The following NCOR2 variants were observed in gnomAD, a reference collection of about 807,000 sequenced individuals.
NCOR2 encodes CTG repeat protein 26.
Under a neutral mutation model 262.9 loss-of-function variants are expected in NCOR2, and 81 were observed. The ratio of observed to expected loss-of-function variants is 0.31; its 90% CI spans 0.26 to 0.37. The LOEUF is 0.37. NCOR2 is among the 10% of genes least tolerant of loss of function. The pLI, the probability that NCOR2 is intolerant of heterozygous loss-of-function variation, is 1.00. For missense variants in NCOR2, 3,385 were observed against 3,621.4 expected, an observed-to-expected ratio of 0.93 and a Z score of 1.68; for synonymous variants, 1,659 against 1,559.3, an observed-to-expected ratio of 1.06 and a Z score of -1.51.
In NCOR2 at chr12:124,523,726, C is replaced by T. The variant is rs552696431; in HGVS notation, c.-118+11839G>A. Among the ~76,000 whole-genome samples, 4 of 152,176 alleles carry T rather than the reference C, an allele frequency of 2.6e-5. No individual in the cohort carries two copies. The South Asian group carries it at 8.3e-4, about 32-fold the overall frequency. ...GGCTGCATTTAAAACCGTCCTGAGC[C>T]GCAGGTTGGACAAGCTTGCCTTACA... is the stretch of plus-strand genomic sequence containing the variant. On this transcript the variant is annotated intron_variant, in intron 1 of 46. Transcript: ENST00000404621. The surrounding 1 kb of genome is among the most constrained non-coding windows in gnomAD (Gnocchi z 4.0).
chr12:124,457,123 C>A lies in NCOR2; in HGVS notation c.745G>T (p.Gly249Trp). Reference sequence around the variant, plus strand: ...CAGCTCACCAGCTCCACCTGGGGCCCCAGGCCTTCCAGAATCCGATGTGCA... The same window carrying A: ...CAGCTCACCAGCTCCACCTGGGGCCACAGGCCTTCCAGAATCCGATGTGCA... The change falls in exon 6 of 47, where the codon GGG becomes TGG. Residue 249 changes from glycine to tryptophan, a missense_variant. Gly to Trp is a radical substitution (Grantham distance 184). Transcript: ENST00000405201. This position sits in a 1 kb window ranked among gnomAD's most constrained non-coding sequence, Gnocchi z 4.0. 6.5e-7 allele frequency: 1 copy of A among 1,530,816 alleles called. No homozygotes were observed. The allele number at this position is 1,530,816 out of a possible 1,614,324, so 94.8% of individuals were successfully genotyped here. A position where few individuals can be genotyped will look rare whatever the true frequency, so the allele number is the denominator to read the frequency against.
intron 33 of NCOR2, among the ~76,000 whole-genome samples, chr12:124,342,322 G>T (rs1235744243): frequency 6.6e-6 from 1 of 152,190 alleles, no homozygotes; most frequent in Non-Finnish European, 1.5e-5. Context: ...ACATCCCAAT[G>T]CAGATTAACA....
intron 8 of NCOR2, 57 bp from the exon 11 acceptor site, chr12:124,430,844 T>TC: frequency 6.5e-7 from 1 of 1,535,360 alleles, no homozygotes; most frequent in Non-Finnish European, 8.8e-7. Flanking sequence ...ACCCGCCGCC[T>TC]CCCCCCTGCC....
Position 124,335,652 on chromosome 12 carries a change from C to A in NCOR2, c.6116-20G>T. 1 of 1,582,618 alleles carries A rather than the reference C, an allele frequency of 6.3e-7. No homozygotes were observed. The highest frequency in any genetic ancestry group is 8.6e-7 in the Non-Finnish European group (1 of 1,167,374). On this transcript the variant is annotated intron_variant, in intron 38 of 46. Coordinates refer to ENST00000405201, the Ensembl canonical transcript of NCOR2. ...GGTAACCTAGGGCAGGCGGGGGGTG[C>A]AGAGTCAGGCACCGGGCCCAGGGTT...
intron 6 of NCOR2, among the ~76,000 whole-genome samples, chr12:124,453,114 C>T (rs2045646319): frequency 6.6e-6 from 1 of 152,170 alleles, no homozygotes; most frequent in Non-Finnish European, 1.5e-5. Flanking sequence ...AGGTGCATTG[C>T]TGAGGGGACG....
Position 124,383,687 on chromosome 12 carries a change from A to G in NCOR2, c.2019+2058T>C, listed in dbSNP as rs556706021. ...GCAGGCACTAAGGACCTCACAGGTA[A>G]TCACTCGTTCACTCCTCATAGGACC... On this transcript the variant is annotated intron_variant, in intron 17 of 46. Coordinates refer to ENST00000405201, the Ensembl canonical transcript of NCOR2. Among the ~76,000 whole-genome samples the G allele has an allele frequency of 2.6e-5, 4 of 152,336 alleles. No individual in the cohort carries two copies. The South Asian group carries it at 8.3e-4, about 32-fold the overall frequency.
intron 12 of NCOR2, among the ~76,000 whole-genome samples, chr12:124,420,555 C>CCGCCCCA (rs947953652): frequency 1.6e-4 from 25 of 152,162 alleles, no homozygotes; most frequent in African/African-American, 2.4e-4. Context: ...TGCATCGGGA[C>CCGCCCCA]CGCCCCACGC....
At chr12:124,543,640 G>A (rs1017607721) in intron 1 of NCOR2, among the ~76,000 whole-genome samples, 6 of 152,220 alleles carry the variant, frequency 3.9e-5, no homozygotes, top group East Asian at 3.9e-4. Context: ...GACAGCAGCC[G>A]GCAGGAGCAA....
rs2044983048 is a variant in NCOR2 at position 124,443,922 on chromosome 12, A to C, written c.815+5893T>G. On this transcript the variant is annotated intron_variant, in intron 7 of 46. Transcript: ENST00000405201. This position sits in a 1 kb window ranked among gnomAD's most constrained non-coding sequence, Gnocchi z 4.4. ...CATCGGGCCACACCCCTTCATGGCC[A>C]CAGGCTGGGAAACTGAGGCTTGGCT... Among the ~76,000 whole-genome samples the C allele has an allele frequency of 6.6e-6, 1 of 152,150 alleles. No individual in the cohort carries two copies. Among genetic ancestry groups the C allele is most frequent in the African/African-American group, 2.4e-5 (1 of 41,444 alleles).
In NCOR2 at chr12:124,376,172, C is replaced by CA. The variant is rs535068689; in HGVS notation, c.2168-1710dup. ...CTCTCACCTGCCGTCCCTGATCTCTCAGAGCAGCCACGGAAGACCACCACT... is the reference window on the plus strand; with the variant it reads ...CTCTCACCTGCCGTCCCTGATCTCTCAAGAGCAGCCACGGAAGACCACCACT... On this transcript the variant is annotated intron_variant, in intron 18 of 46. Transcript: ENST00000405201. Among the ~76,000 whole-genome samples the CA allele has an allele frequency of 2.1e-3, 319 of 152,328 alleles. 1 individual carries two copies. The highest frequency in any genetic ancestry group is 7.3e-3 in the African/African-American group (305 of 41,574).
intron 17 of NCOR2, among the ~76,000 whole-genome samples, chr12:124,385,274 C>A (rs1250260999): frequency 2.0e-5 from 3 of 152,178 alleles, no homozygotes; most frequent in South Asian, 2.1e-4. Context: ...CCGCCCCCGC[C>A]CCCCCAGACC....
intron 19 of NCOR2, 25 bp downstream of exon 21, chr12:124,374,388 C>A (rs759354177): frequency 1.2e-6 from 2 of 1,611,310 alleles, no homozygotes; most frequent in Non-Finnish European, 1.7e-6. Flanking sequence ...GCCCTACCCC[C>A]CAGGCCAGCC....
intron 7 of NCOR2, among the ~76,000 whole-genome samples, chr12:124,447,607 A>T (rs765205850): frequency 1.3e-5 from 2 of 152,196 alleles, no homozygotes; most frequent in Non-Finnish European, 2.9e-5. Context: ...AAAAATCATA[A>T]CTAGGTATAT....
rs570495595 is a variant in NCOR2 at position 124,372,748 on chromosome 12, C to T, written c.2219-138G>A. ...GCCCCGAGGCTCCTACACACCTGGG[C>T]TGCTGCCTAGAGCCCCACCCCTGAG... On this transcript the variant is annotated intron_variant, in intron 19 of 46. Transcript: ENST00000405201. 1,812 of 734,006 alleles carry T rather than the reference C, an allele frequency of 2.5e-3. 11 individuals carry two copies. The highest frequency in any genetic ancestry group is 2.8e-3 in the Non-Finnish European group (1,286 of 462,720). 45.5% of individuals were successfully genotyped at this position (734,006 alleles called of 1,614,324 possible). A position where few individuals can be genotyped will look rare whatever the true frequency, so the allele number is the denominator to read the frequency against.
intron 36 of NCOR2, 27 bp downstream of exon 38, chr12:124,340,267 C>T (rs772273523): frequency 1.4e-5 from 23 of 1,606,992 alleles, no homozygotes; most frequent in African/African-American, 2.7e-5. Flanking sequence ...AGTCCCGGAG[C>T]GGGGGGTGGG....
intron 34 of NCOR2, among the ~76,000 whole-genome samples, 184 bp from the exon 37 acceptor site, chr12:124,340,935 C>T (rs1208249894): frequency 6.6e-6 from 1 of 152,210 alleles, no homozygotes; most frequent in Admixed American, 6.5e-5. Flanking sequence ...CTCAGGTTCT[C>T]TCGGTACCAC....
At chr12:124,541,825 GGAGGGGGATGGGGAGTGGAGAT>G (rs2051369297) in intron 1 of NCOR2, among the ~76,000 whole-genome samples, 1 of 36,772 alleles carries the variant, frequency 2.7e-5, no homozygotes, top group African/African-American at 9.3e-5. Context: ...GAGTGGAGAT[GGAGGGGGATGGGGAGTGGAGAT>G]GGAGGGGGTG....
chr12:124,457,667 CAT>C lies in NCOR2; in HGVS notation c.706-507_706-506del, dbSNP rs940522240. On this transcript the variant is annotated intron_variant, in intron 5 of 46. Transcript: ENST00000405201. The surrounding 1 kb of genome is among the most constrained non-coding windows in gnomAD (Gnocchi z 4.0). ...TTCTAGGATTCTTGTGTTTCACAAT[CAT>C]GTGATTATTTCTGGGCTGCCCCGGG... Among the ~76,000 whole-genome samples the C allele has an allele frequency of 3.9e-5, 6 of 151,944 alleles. No homozygotes were observed. The highest frequency in any genetic ancestry group is 1.5e-4 in the African/African-American group (6 of 41,346).
In NCOR2 at chr12:124,429,721, G is replaced by C; in HGVS notation, c.1056-15C>G. ...GGCCCACCCTGCTGGGGACCAAGGG[G>C]ACACACTCAGGACCGGTCTTCTGGT... On this transcript the variant is annotated splice_polypyrimidine_tract_variant and intron_variant, in intron 9 of 46. Transcript: ENST00000405201. 6.3e-7 allele frequency: 1 copy of C among 1,588,762 alleles called. No individual in the cohort carries two copies. Among genetic ancestry groups the C allele is most frequent in the Non-Finnish European group, 8.6e-7 (1 of 1,167,416 alleles).
Sources: gnomAD v4.1 joint callset for allele counts (sites outside exome capture counted in the v4.1 genomes callset) on GRCh38, gnomAD v4.1.1 for gene constraint, Gnocchi (gnomAD v3.1) non-coding constraint, MANE v1.5 for transcripts, NCBI Gene and HGNC (gene_info 2026-07-23, HGNC 2026-07-21) for gene names.